The following KCNH5 variants were observed in gnomAD, a reference collection of about 807,000 sequenced individuals.
KCNH5 encodes the protein potassium voltage-gated channel subfamily H member 5, also known as voltage-gated delayed rectifier potassium channel KCNH5.
Under a neutral mutation model 96.1 loss-of-function variants are expected in KCNH5, and 46 were observed. The ratio of observed to expected loss-of-function variants is 0.48; its 90% CI spans 0.38 to 0.61. The LOEUF is 0.61. KCNH5 is among the 20% of genes least tolerant of loss of function. KCNH5 has a pLI of 0.00. For missense variants in KCNH5, 907 were observed against 1,225.8 expected, an observed-to-expected ratio of 0.74 and a Z score of 3.88; for synonymous variants, 439 against 449.8, an observed-to-expected ratio of 0.98 and a Z score of 0.30.
intron 7 of KCNH5, among the ~76,000 whole-genome samples, chr14:62,867,542 T>C (rs1328378465): frequency 6.6e-6 from 1 of 152,244 alleles, no homozygotes; most frequent in African/African-American, 2.4e-5. Flanking sequence ...CTCTTCCCTA[T>C]ACCTCTACAA....
At chr14:62,970,045 A>T (rs993256738) in intron 6 of KCNH5, among the ~76,000 whole-genome samples, 2 of 116,430 alleles carry the variant, frequency 1.7e-5, no homozygotes, top group South Asian at 2.6e-4. Context: ...GACTCCGTCT[A>T]AAAAAAAAAA....
chr14:62,943,940 G>A (rs1889838671), intron 7 of KCNH5, among the ~76,000 whole-genome samples: 1 of 152,158 alleles, frequency 6.6e-6, no homozygotes, highest in Admixed American at 6.6e-5. Context: ...AAGGATTTAA[G>A]TCTAAGAAAT....
At chr14:62,756,159 G>A (rs529273757) in intron 10 of KCNH5, among the ~76,000 whole-genome samples, 47 of 151,794 alleles carry the variant, frequency 3.1e-4, no homozygotes, top group South Asian at 1.5e-3. Flanking sequence ...ATATGCCAAC[G>A]GCAAACAATC....
At chr14:62,867,093 T>C (rs1241896493) in intron 7 of KCNH5, among the ~76,000 whole-genome samples, 2 of 152,128 alleles carry the variant, frequency 1.3e-5, no homozygotes, top group Non-Finnish European at 1.5e-5. Flanking sequence ...CATCTCCCCA[T>C]GGTTATCAGC....
intron 7 of KCNH5, among the ~76,000 whole-genome samples, chr14:62,909,602 T>C (rs898470135): frequency 2.0e-5 from 3 of 152,168 alleles, no homozygotes; most frequent in African/African-American, 4.8e-5. Context: ...AAAATAGAAG[T>C]GGATGTTCTT....
At chr14:63,042,769 A>G (rs932977490) in intron 1 of KCNH5, among the ~76,000 whole-genome samples, 15 of 152,180 alleles carry the variant, frequency 9.9e-5, no homozygotes, top group Non-Finnish European at 2.2e-4. Flanking sequence ...TCCCCCGTGA[A>G]TGTGTAGACC....
In KCNH5 at chr14:62,852,021, G is replaced by T. The variant is rs528636080; in HGVS notation, c.1370-2169C>A. Among the ~76,000 whole-genome samples the T allele has an allele frequency of 2.0e-5, 3 of 152,202 alleles. No homozygotes were observed. In the South Asian group the frequency reaches 6.2e-4, roughly 32 times the overall value. Reference sequence around the variant, plus strand: ...TGAAGAATTATCAACATCCCATTAAGTTTGGCCTATTATAAAAATATCCAT... The same window carrying T: ...TGAAGAATTATCAACATCCCATTAATTTTGGCCTATTATAAAAATATCCAT... On this transcript the variant is annotated intron_variant, in intron 7 of 10. Transcript: ENST00000322893.
intron 8 of KCNH5, among the ~76,000 whole-genome samples, chr14:62,834,346 G>T (rs1728508255): frequency 1.3e-5 from 2 of 151,810 alleles, no homozygotes; most frequent in South Asian, 4.1e-4. Context: ...TACATTCACG[G>T]ATATAATAAA....
chr14:62,929,797 C>T (rs1889545725), intron 7 of KCNH5, among the ~76,000 whole-genome samples: 1 of 151,718 alleles, frequency 6.6e-6, no homozygotes, highest in Non-Finnish European at 1.5e-5. Context: ...CAACCCATGC[C>T]CCACTCCCTC....
At chr14:62,736,244 C>T (rs1443979781) in intron 10 of KCNH5, among the ~76,000 whole-genome samples, 1 of 152,154 alleles carries the variant, frequency 6.6e-6, no homozygotes, top group Non-Finnish European at 1.5e-5. Flanking sequence ...AAAACAAGAG[C>T]AAACCTCTTA....
chr14:62,994,608 G>C (rs1890872643), intron 4 of KCNH5, among the ~76,000 whole-genome samples: 1 of 151,978 alleles, frequency 6.6e-6, no homozygotes, highest in Non-Finnish European at 1.5e-5. Flanking sequence ...TTGGTTCAAA[G>C]CAGCATAATT....
chr14:62,929,050 C>T (rs1328455450), intron 7 of KCNH5, among the ~76,000 whole-genome samples: 4 of 151,998 alleles, frequency 2.6e-5, no homozygotes, highest in Admixed American at 1.3e-4. Context: ...GTCTATGCAG[C>T]GTCTCAAACT....
intron 7 of KCNH5, among the ~76,000 whole-genome samples, chr14:62,903,316 A>G (rs1317741900): frequency 6.6e-6 from 1 of 152,202 alleles, no homozygotes; most frequent in African/African-American, 2.4e-5. Context: ...CATCTGTATT[A>G]TGCTAAAAAT....
chr14:62,999,843 C>T (rs887356316), intron 4 of KCNH5, among the ~76,000 whole-genome samples: 1 of 146,444 alleles, frequency 6.8e-6, no homozygotes, highest in African/African-American at 2.5e-5. Context: ...TGCACATGTA[C>T]CCTAAAACTT....
At chr14:62,813,703 A>G (rs1193209299) in intron 8 of KCNH5, among the ~76,000 whole-genome samples, 1 of 152,160 alleles carries the variant, frequency 6.6e-6, no homozygotes, top group Non-Finnish European at 1.5e-5. Flanking sequence ...TCTCTTCATG[A>G]ATCTAATGGA....
At chr14:62,797,425 A>G (rs534096939) in intron 9 of KCNH5, among the ~76,000 whole-genome samples, 48 of 152,350 alleles carry the variant, frequency 3.2e-4, no homozygotes, top group Middle Eastern at 3.4e-3. Context: ...ACAAATCTAC[A>G]TGTTTCACAG....
At chr14:62,739,435 A>G (rs1566644915) in intron 10 of KCNH5, among the ~76,000 whole-genome samples, 1 of 150,972 alleles carries the variant, frequency 6.6e-6, no homozygotes, top group Non-Finnish European at 1.5e-5. Flanking sequence ...TACGCTATTT[A>G]TGCGAGAAAT....
intron 8 of KCNH5, among the ~76,000 whole-genome samples, chr14:62,825,211 T>C (rs1887197357): frequency 6.6e-6 from 1 of 152,134 alleles, no homozygotes; most frequent in South Asian, 2.1e-4. Context: ...TTGAACTAAT[T>C]TACGTTCCCA....
intron 6 of KCNH5, among the ~76,000 whole-genome samples, chr14:62,965,949 C>G (rs1890297151): frequency 6.6e-6 from 1 of 152,066 alleles, no homozygotes; most frequent in Non-Finnish European, 1.5e-5. Context: ...TTGAGCAAAT[C>G]TAAAAATCTG....
Sources: gnomAD v4.1 joint callset for allele counts (sites outside exome capture counted in the v4.1 genomes callset) on GRCh38, gnomAD v4.1.1 for gene constraint, MANE v1.5 for transcripts, NCBI Gene and HGNC (gene_info 2026-07-23, HGNC 2026-07-21) for gene names.